The following AFDN variants were observed in gnomAD, a reference collection of about 807,000 sequenced individuals.
AFDN encodes afadin.
A neutral mutation model predicts 216.6 loss-of-function variants in AFDN; 68 were observed. The observed-to-expected ratio is 0.31, with a 90% CI of 0.26 to 0.38. The LOEUF (loss-of-function observed/expected upper bound fraction) is 0.38, where lower values mean the gene tolerates loss of function less well. AFDN is among the 10% of genes least tolerant of loss of function. The probability of loss-of-function intolerance (pLI) is 1.00; values close to 1 mark genes in which losing one functional copy is unlikely to be tolerated. For missense variants in AFDN, 2,136 were observed against 2,342.0 expected, an observed-to-expected ratio of 0.91 and a Z score of 1.82; for synonymous variants, 868 against 853.7, an observed-to-expected ratio of 1.02 and a Z score of -0.29.
At chr6:167,838,861 G>C (rs1780740863) in intron 1 of AFDN, among the ~76,000 whole-genome samples, 1 of 152,136 alleles carries the variant, frequency 6.6e-6, no homozygotes, top group Admixed American at 6.5e-5. Context: ...CCACATATTA[G>C]CCTACCTGAT....
chr6:167,907,346 G>A (rs1439709534), intron 13 of AFDN, 57 bp downstream of exon 13: 2 of 1,374,294 alleles, frequency 1.5e-6, no homozygotes, highest in Admixed American at 1.7e-5. Context: ...CTAAAAAAGG[G>A]TTGGGATAAA....
chr6:167,971,604 T>A lies in AFDN; in HGVS notation c.*1669T>A, dbSNP rs951164196. ...CTTGAGGACACTGGCAGCCTTATGG[T>A]GACTAAATCCACACTTTCTTTAAAG... On this transcript the variant is annotated 3_prime_UTR_variant, in exon 34 of 34. Coordinates refer to ENST00000683244, the MANE Select transcript of AFDN (RefSeq NM_001386888.1). The A allele has an allele frequency of 5.2e-6, 1 of 193,236 alleles. No homozygotes were observed. The highest frequency in any genetic ancestry group is 1.1e-5 in the Non-Finnish European group (1 of 92,808). 12.0% of individuals were successfully genotyped at this position (193,236 alleles called of 1,614,324 possible). A position where few individuals can be genotyped will look rare whatever the true frequency, so the allele number is the denominator to read the frequency against.
intron 32 of AFDN, among the ~76,000 whole-genome samples, chr6:167,967,303 C>G (rs987646894): frequency 6.6e-6 from 1 of 152,176 alleles, no homozygotes; most frequent in African/African-American, 2.4e-5. Flanking sequence ...GTAACTGTCA[C>G]CCTTACAAAT....
Position 167,962,528 on chromosome 6 carries a change from G to C in AFDN, c.4929G>C (p.Arg1643=), listed in dbSNP as rs772922871. Residue 1643 remains arginine, a synonymous_variant, in exon 31 of 34, where the codon CGG becomes CGC. Transcript: ENST00000683244. The surrounding 1 kb of genome is among the most constrained non-coding windows in gnomAD (Gnocchi z 5.2). ...CGAGGCAAGAGGAAGAGCGCCGGCG[G>C]CAGGAGGAGGAGCGAACAAAACGAG... ...DRARQEEERR[R]QEEERTKRDA... is the part of the protein sequence containing the mutation. The C allele has an allele frequency of 2.5e-6, 4 of 1,613,886 alleles. No homozygotes were observed. The highest frequency in any genetic ancestry group is 3.4e-6 in the Non-Finnish European group (4 of 1,179,848).
chr6:167,959,695 C>T (rs546468135), intron 30 of AFDN, among the ~76,000 whole-genome samples: 22 of 152,252 alleles, frequency 1.4e-4, no homozygotes, highest in African/African-American at 5.3e-4. Flanking sequence ...ACACAGATCT[C>T]AACATATACA....
At chr6:167,966,066 A>C (rs1191687065) in intron 32 of AFDN, 21 bp downstream of exon 32, 1 of 1,540,382 alleles carries the variant, frequency 6.5e-7, no homozygotes, top group African/African-American at 1.4e-5. Context: ...GTACTCCAGC[A>C]CAAGAAAGTC....
intron 6 of AFDN, among the ~76,000 whole-genome samples, chr6:167,885,842 C>T (rs1351418968): frequency 1.3e-5 from 2 of 152,308 alleles, no homozygotes; most frequent in East Asian, 1.9e-4. Flanking sequence ...TGTACATTTA[C>T]GAATACCCTG....
chr6:167,908,645 T>C (rs1790015022), intron 13 of AFDN, among the ~76,000 whole-genome samples: 1 of 152,166 alleles, frequency 6.6e-6, no homozygotes, highest in Non-Finnish European at 1.5e-5. Context: ...ATATGCAAAA[T>C]TAGTGATTAA....
chr6:167,853,032 T>G (rs1782490199), intron 1 of AFDN, among the ~76,000 whole-genome samples: 1 of 152,064 alleles, frequency 6.6e-6, no homozygotes, highest in South Asian at 2.1e-4. Flanking sequence ...TTTCTTTTAG[T>G]GGTATTTAAG....
In AFDN at chr6:167,970,042, G is replaced by A; in HGVS notation, c.*107G>A. 1 of 848,286 alleles carries A rather than the reference G, an allele frequency of 1.2e-6. No homozygotes were observed. The allele number at this position is 848,286 out of a possible 1,614,324, so 52.5% of individuals were successfully genotyped here. A position where few individuals can be genotyped will look rare whatever the true frequency, so the allele number is the denominator to read the frequency against. On this transcript the variant is annotated 3_prime_UTR_variant, in exon 34 of 34. Transcript: ENST00000683244. ...GAGGAAGGGGGTTATATTTCTAAGT[G>A]ATTTACAATTTCTGTTTCTAAAATT...
chr6:167,868,408 A>G (rs1343050208), intron 2 of AFDN, among the ~76,000 whole-genome samples: 1 of 152,192 alleles, frequency 6.6e-6, no homozygotes, highest in Non-Finnish European at 1.5e-5. Context: ...AAATGCTGAC[A>G]GCATTTGGAG....
chr6:167,945,412 A>G (rs1213451897), intron 26 of AFDN, among the ~76,000 whole-genome samples: 2 of 152,224 alleles, frequency 1.3e-5, no homozygotes, highest in Admixed American at 6.5e-5. Flanking sequence ...AACTCTTTTT[A>G]TAAGTAAAGG....
At position 167,948,485 on chromosome 6, in the gene AFDN, A is replaced by T; in HGVS notation, c.3831+7A>T. The T allele has an allele frequency of 6.2e-7, 1 of 1,612,092 alleles. No homozygotes were observed. The highest frequency in any genetic ancestry group is 8.5e-7 in the Non-Finnish European group (1 of 1,178,528). Reference sequence around the variant, plus strand: ...TTCCAGTATTGCAATTCAGGTTAGAAATCAAAGATTCCACACACTTTTCTC... The same window carrying T: ...TTCCAGTATTGCAATTCAGGTTAGATATCAAAGATTCCACACACTTTTCTC... On this transcript the variant is annotated splice_region_variant and intron_variant, in intron 29 of 33. Coordinates refer to ENST00000683244, the MANE Select transcript of AFDN (RefSeq NM_001386888.1).
chr6:167,913,013 T>C (rs1181084708), intron 15 of AFDN, among the ~76,000 whole-genome samples: 1 of 152,206 alleles, frequency 6.6e-6, no homozygotes, highest in Non-Finnish European at 1.5e-5. Context: ...AGGGATGGAC[T>C]TTCACCTTAT....
chr6:167,915,580 G>T (rs1348354264), intron 19 of AFDN, 147 bp downstream of exon 19: 1 of 885,126 alleles, frequency 1.1e-6, no homozygotes, highest in Non-Finnish European at 1.7e-6. Context: ...AGTGCTATGT[G>T]AGTACTTGGG....
chr6:167,907,351 G>A, intron 13 of AFDN, 62 bp downstream of exon 13: 4 of 1,305,564 alleles, frequency 3.1e-6, no homozygotes, highest in Non-Finnish European at 4.4e-6. Context: ...AAAGGGTTGG[G>A]ATAAAGATTG....
intron 31 of AFDN, chr6:167,963,072 A>G: frequency 9.4e-7 from 1 of 1,068,878 alleles, no homozygotes; most frequent in Non-Finnish European, 1.1e-6. Flanking sequence ...TGATACAGGA[A>G]AATTTAGTAT....
rs1788338389 is a variant in AFDN at position 167,896,979 on chromosome 6, AG to A, written c.1317+8del. ...GGATGACAACTCTATCCAGGTACGTAGTCTGAGCTTCCTGCTGCAACTCTGA... is the reference window on the plus strand; with the variant it reads ...GGATGACAACTCTATCCAGGTACGTATCTGAGCTTCCTGCTGCAACTCTGA... On this transcript the variant is annotated splice_region_variant and intron_variant, in intron 10 of 33. Transcript: ENST00000683244. 6.4e-7 allele frequency: 1 copy of A among 1,554,098 alleles called. No homozygotes were observed. The highest frequency in any genetic ancestry group is 8.9e-7 in the Non-Finnish European group (1 of 1,125,492).
chr6:167,860,763 G>A (rs758192199), intron 1 of AFDN, among the ~76,000 whole-genome samples: 2 of 152,224 alleles, frequency 1.3e-5, no homozygotes, highest in Non-Finnish European at 2.9e-5. Context: ...ATTAGGCACT[G>A]TGTGGGGCGT....
Sources: gnomAD v4.1 joint callset for allele counts (sites outside exome capture counted in the v4.1 genomes callset) on GRCh38, gnomAD v4.1.1 for gene constraint, Gnocchi (gnomAD v3.1) non-coding constraint, MANE v1.5 for transcripts, NCBI Gene and HGNC (gene_info 2026-07-23, HGNC 2026-07-21) for gene names.